The following LTBR variants were observed in gnomAD, a reference collection of about 807,000 sequenced individuals.
The protein encoded by LTBR is lymphotoxin beta receptor.
LTBR carries 15 observed loss-of-function variants against 45.4 expected under a neutral mutation model. The observed-to-expected ratio is 0.33, with a 90% CI of 0.22 to 0.51. The LOEUF (loss-of-function observed/expected upper bound fraction) is 0.51, where lower values mean the gene tolerates loss of function less well. Among genes scored for constraint, LTBR ranks in the 20% least tolerant of loss-of-function variants. The pLI, the probability that LTBR is intolerant of heterozygous loss-of-function variation, is 0.97. For missense variants in LTBR, 450 were observed against 565.5 expected (o/e 0.80, Z 2.07); for synonymous variants, 228 against 231.0 (o/e 0.99, Z 0.12).
At chr12:6,383,327 CG>C (rs1949002805), upstream of LTBR, among the ~76,000 whole-genome samples, 1 of 152,110 alleles carries the variant, frequency 6.6e-6, no homozygotes, top group Non-Finnish European at 1.5e-5. Context: ...AGGGCAGGAA[CG>C]AGACCAGGCC....
chr12:6,384,937 G>A (rs1949021596), intron 2 of LTBR, 85 bp from the exon 3 acceptor site: 1 of 1,559,578 alleles, frequency 6.4e-7, no homozygotes, highest in Non-Finnish European at 8.8e-7. Context: ...AGAGACCGAG[G>A]GAAAGGCCAG....
At position 6,386,711 on chromosome 12, in the gene LTBR, G is replaced by T. The variant is rs1187238796; in HGVS notation, c.667+267G>T. 4 of 384,720 alleles carry T rather than the reference G, an allele frequency of 1.0e-5. No individual in the cohort carries two copies. In the East Asian group the frequency reaches 1.3e-4, roughly 13 times the overall value. 23.8% of individuals were successfully genotyped at this position (384,720 alleles called of 1,614,324 possible). A position where few individuals can be genotyped will look rare whatever the true frequency, so the allele number is the denominator to read the frequency against. On this transcript the variant is annotated intron_variant, in intron 6 of 9. Transcript: ENST00000228918. The surrounding 1 kb of genome is among the most constrained non-coding windows in gnomAD (Gnocchi z 4.1). ...CTGAGATGTAATGATAACTACTATT[G>T]TCATCATTTTGGGCTTACCAACATT... is the stretch of plus-strand genomic sequence containing the variant.
At chr12:6,377,589 G>T in intron 1 of LTBR, 1 of 1,062,856 alleles carries the variant, frequency 9.4e-7, no homozygotes, top group Non-Finnish European at 1.3e-6. Flanking sequence ...CTGTGAAAAG[G>T]TCTCTGCACT....
chr12:6,384,252 C>T lies in LTBR; in HGVS notation c.-107C>T, dbSNP rs1949012309. The T allele has an allele frequency of 1.4e-6, 2 of 1,412,410 alleles. No individual in the cohort carries two copies. The highest frequency in any genetic ancestry group is 9.2e-7 in the Non-Finnish European group (1 of 1,089,012). 87.5% of individuals were successfully genotyped at this position (1,412,410 alleles called of 1,614,324 possible). A position where few individuals can be genotyped will look rare whatever the true frequency, so the allele number is the denominator to read the frequency against. ...GGTGCACATCGGCCCTGAGTCCCGT[C>T]CCAGGCTCTGGGCTCGGGCAGCCGC... On this transcript the variant is annotated 5_prime_UTR_variant, in exon 1 of 10. Transcript: ENST00000228918.
Position 6,386,629 on chromosome 12 carries a change from A to T in LTBR, c.667+185A>T. 3.4e-6 allele frequency: 2 copies of T among 592,296 alleles called. No individual in the cohort carries two copies. The allele number at this position is 592,296 out of a possible 1,614,324, so 36.7% of individuals were successfully genotyped here. A position where few individuals can be genotyped will look rare whatever the true frequency, so the allele number is the denominator to read the frequency against. On this transcript the variant is annotated intron_variant, in intron 6 of 9. Transcript: ENST00000228918. This position sits in a 1 kb window ranked among gnomAD's most constrained non-coding sequence, Gnocchi z 4.1. Reference sequence around the variant, plus strand: ...TACACACACACACACACACACACACACACACACTTTTAAAATTATATATAC... The same window carrying T: ...TACACACACACACACACACACACACTCACACACTTTTAAAATTATATATAC...
Position 6,384,351 on chromosome 12 carries a change from T to G in LTBR, c.-8T>G, listed in dbSNP as rs1431156181. ...CCACGTTGCTGGCCGCCTGGCCGAG[T>G]GGCCGCCATGCTCCTGCCTTGGGCC... On this transcript the variant is annotated 5_prime_UTR_variant, in exon 1 of 10. Transcript: ENST00000228918. 6.7e-7 allele frequency: 1 copy of G among 1,486,264 alleles called. No individual in the cohort carries two copies. Among genetic ancestry groups the G allele is most frequent in the Non-Finnish European group, 8.9e-7 (1 of 1,122,530 alleles). The allele number at this position is 1,486,264 out of a possible 1,614,324, so 92.1% of individuals were successfully genotyped here.
chr12:6,384,554 A>C, intron 1 of LTBR, 34 bp from the exon 2 acceptor site: 1 of 1,611,624 alleles, frequency 6.2e-7, no homozygotes, highest in Non-Finnish European at 8.5e-7. Flanking sequence ...CCCCTGACTA[A>C]TTCTTCTCTC....
chr12:6,385,937 G>A, intron 4 of LTBR, 129 bp from the exon 5 acceptor site: 2 of 654,060 alleles, frequency 3.1e-6, no homozygotes, highest in Non-Finnish European at 5.5e-6. Context: ...GCAAAGCAGA[G>A]CTTGGGAAAG....
chr12:6,377,290 G>C, intron 1 of LTBR: 1 of 1,548,926 alleles, frequency 6.5e-7, no homozygotes, highest in South Asian at 1.2e-5. Flanking sequence ...GGAAGGGACA[G>C]CTGGATTTTT....
chr12:6,375,336 C>T, upstream of LTBR: 1 of 1,442,686 alleles, frequency 6.9e-7, no homozygotes, highest in Non-Finnish European at 9.1e-7. Context: ...CCCTCAGCTC[C>T]AGCCTCTGGC....
Position 6,388,521 on chromosome 12 carries a change from A to T in LTBR, c.775+16A>T. ...AGGAAACTGGGTAGGAAAGGGTTGG[A>T]TGCAGTGGATGGTTGGCAATGGGAG... On this transcript the variant is annotated intron_variant, in intron 7 of 9. Transcript: ENST00000228918. This position sits in a 1 kb window ranked among gnomAD's most constrained non-coding sequence, Gnocchi z 4.3. 2.5e-6 allele frequency: 4 copies of T among 1,604,030 alleles called. No individual in the cohort carries two copies. The highest frequency in any genetic ancestry group is 3.4e-6 in the Non-Finnish European group (4 of 1,170,932).
rs916725378 is a variant in LTBR, at chr12:6,375,432, C to A, written c.-124C>A. 14 of 1,533,004 alleles carry A rather than the reference C, an allele frequency of 9.1e-6. No homozygotes were observed. The African/African-American group carries it at 1.9e-4, about 21-fold the overall frequency. The allele number at this position is 1,533,004 out of a possible 1,614,324, so 95.0% of individuals were successfully genotyped here. ...TCTGGGCTGCCTCCAGCTTCCCACT[C>A]CCAGGTTGCGGCTGGACTGGGACTG... On this transcript the variant is annotated 5_prime_UTR_variant, in exon 1 of 10. Coordinates refer to the LTBR transcript ENST00000539925.
chr12:6,385,608 C>A, intron 4 of LTBR: 1 of 590,628 alleles, frequency 1.7e-6, no homozygotes, highest in Non-Finnish European at 2.9e-6. Flanking sequence ...GAAGCTTGGG[C>A]AAAATGGTAG....
At chr12:6,376,105 C>T in intron 1 of LTBR, 1 of 988,500 alleles carries the variant, frequency 1.0e-6, no homozygotes, top group Non-Finnish European at 1.2e-6. Context: ...CAAGGGCACC[C>T]ACAGGTCAGC....
Position 6,391,037 on chromosome 12 carries a change from G to C in LTBR, c.*100G>C, listed in dbSNP as rs571342221. 2 of 1,259,872 alleles carry C rather than the reference G, an allele frequency of 1.6e-6. No individual in the cohort carries two copies. The highest frequency in any genetic ancestry group is 3.1e-5 in the African/African-American group (2 of 65,388). The allele number at this position is 1,259,872 out of a possible 1,614,324, so 78.0% of individuals were successfully genotyped here. On this transcript the variant is annotated 3_prime_UTR_variant, in exon 10 of 10. Coordinates refer to ENST00000228918, the MANE Select transcript of LTBR (RefSeq NM_002342.3). Reference sequence around the variant, plus strand: ...ATTCACAGGGGCCTGAGTAGGGCCCGGGGAAGCAGAGCCCTAAGGGATTAA... The same window carrying C: ...ATTCACAGGGGCCTGAGTAGGGCCCCGGGAAGCAGAGCCCTAAGGGATTAA...
At chr12:6,375,367 T>G (rs1315589523), upstream of LTBR, 1 of 1,463,946 alleles carries the variant, frequency 6.8e-7, no homozygotes, top group African/African-American at 1.4e-5. Context: ...AGCTGTGTCC[T>G]GATTCTGTCT....
upstream of LTBR, among the ~76,000 whole-genome samples, chr12:6,381,546 G>T (rs1479035295): frequency 1.3e-5 from 2 of 152,224 alleles, no homozygotes; most frequent in Non-Finnish European, 2.9e-5. Flanking sequence ...GGGCTGAAGC[G>T]CCAGCTTACG....
In LTBR at chr12:6,390,761, C is replaced by G. The variant is rs764318055; in HGVS notation, c.1132C>G (p.Leu378Val). The change falls in exon 10 of 10, where the codon CTC (leucine) becomes GTC (valine). Residue 378 changes from leucine to valine, a missense_variant. Transcript: ENST00000228918. ...VLGGPPGPGD[L>V]PATPEPPYPI... ...GGGGGGACCACCGGGTCCTGGAGAC[C>G]TCCCAGCTACCCCCGAACCTCCATA... 3.9e-5 allele frequency: 61 copies of G among 1,578,990 alleles called. No individual in the cohort carries two copies. The highest frequency in any genetic ancestry group is 4.8e-5 in the Non-Finnish European group (56 of 1,162,554).
chr12:6,380,859 C>T (rs1347137575), upstream of LTBR, among the ~76,000 whole-genome samples: 3 of 152,012 alleles, frequency 2.0e-5, no homozygotes, highest in East Asian at 3.9e-4. Context: ...CTGGGGTGCT[C>T]GGTCTGGGTC....
Sources: gnomAD v4.1 joint callset for allele counts (sites outside exome capture counted in the v4.1 genomes callset) on GRCh38, gnomAD v4.1.1 for gene constraint, Gnocchi (gnomAD v3.1) non-coding constraint, MANE v1.5 for transcripts, NCBI Gene and HGNC (gene_info 2026-07-23, HGNC 2026-07-21) for gene names.